The following CABIN1 variants were observed in gnomAD, a reference collection of about 807,000 sequenced individuals.
The protein encoded by CABIN1 is calcineurin binding protein 1, also known as calcineurin-binding protein cabin-1.
A neutral mutation model predicts 227.7 loss-of-function variants in CABIN1; 133 were observed. The ratio of observed to expected loss-of-function variants is 0.58; its 90% CI spans 0.51 to 0.67. The LOEUF is 0.67. Among genes scored for constraint, CABIN1 ranks in the 30% least tolerant of loss-of-function variants. The pLI is 0.00. For synonymous variants in CABIN1, 1,086 were observed against 1,155.1 expected, an observed-to-expected ratio of 0.94 and a Z score of 1.21; for missense variants, 2,408 against 2,852.5, an observed-to-expected ratio of 0.84 and a Z score of 3.55.
chr22:24,116,787 G>T (rs1414504858), intron 27 of CABIN1, among the ~76,000 whole-genome samples: 1 of 152,192 alleles, frequency 6.6e-6, no homozygotes, highest in Non-Finnish European at 1.5e-5. Context: ...TCAGCTGGGG[G>T]CATGTCTGTG....
chr22:24,118,191 GA>G (rs1024211173), intron 27 of CABIN1, among the ~76,000 whole-genome samples: 1 of 152,188 alleles, frequency 6.6e-6, no homozygotes, highest in African/African-American at 2.4e-5. Context: ...GGCTCCAGGA[GA>G]AGGAGTGATG....
At chr22:24,110,713 A>T (rs936682091) in intron 26 of CABIN1, among the ~76,000 whole-genome samples, 3 of 152,028 alleles carry the variant, frequency 2.0e-5, no homozygotes, top group Non-Finnish European at 4.4e-5. Context: ...TTCTTTCAGC[A>T]CTTTAAAGAT....
At chr22:24,124,864 G>T (rs1404289372) in intron 28 of CABIN1, among the ~76,000 whole-genome samples, 1 of 152,138 alleles carries the variant, frequency 6.6e-6, no homozygotes, top group Non-Finnish European at 1.5e-5. Flanking sequence ...AGGCAGAGGG[G>T]GTTGGTTATA....
intron 1 of CABIN1, among the ~76,000 whole-genome samples, chr22:24,014,022 G>A (rs937898141): frequency 2.6e-5 from 4 of 152,090 alleles, no homozygotes; most frequent in African/African-American, 9.7e-5. Context: ...GGTTTACTTG[G>A]TGTCTACCAG....
rs782713456 is a variant in CABIN1 at position 24,110,869 on chromosome 22, A to ATT, written c.4118-2686_4118-2685dup. On this transcript the variant is annotated intron_variant, in intron 26 of 36. Transcript: ENST00000263119. The stretch of plus-strand genomic sequence containing the variant: ...TTTCAAAATGGCCCACCTAGGTGTG[A>ATT]TTTTTTTTTTTTAAATGTGTGTGGA... Among the ~76,000 whole-genome samples the ATT allele has an allele frequency of 3.4e-3, 513 of 148,696 alleles. 1 individual carries two copies. Among genetic ancestry groups the ATT allele is most frequent in the Non-Finnish European group, 3.7e-3 (246 of 67,162 alleles).
chr22:24,158,647 G>C (rs554017078), intron 29 of CABIN1, among the ~76,000 whole-genome samples: 17 of 152,094 alleles, frequency 1.1e-4, no homozygotes, highest in Admixed American at 5.9e-4. Context: ...TCATCTGCTT[G>C]GCCGACGCTT....
In CABIN1 at chr22:24,072,513, G is replaced by T. The variant is rs1359579292; in HGVS notation, c.2632+3G>T. 6.2e-7 allele frequency: 1 copy of T among 1,614,016 alleles called. No individual in the cohort carries two copies. Among genetic ancestry groups the T allele is most frequent in the African/African-American group, 1.3e-5 (1 of 74,940 alleles). On this transcript the variant is annotated splice_donor_region_variant and intron_variant, in intron 18 of 36. Coordinates refer to ENST00000263119, the MANE Select transcript of CABIN1 (RefSeq NM_012295.4). ...GCTCCAAAACCCAGCGGAGGAAGGTGCACAGGCAGTGGGTGCAGTGGGGAT... is the reference window on the plus strand; with the variant it reads ...GCTCCAAAACCCAGCGGAGGAAGGTTCACAGGCAGTGGGTGCAGTGGGGAT...
chr22:24,116,047 G>A (rs1051023616), intron 27 of CABIN1, among the ~76,000 whole-genome samples: 1 of 152,274 alleles, frequency 6.6e-6, no homozygotes, highest in South Asian at 2.1e-4. Context: ...CACACTGCCC[G>A]AGGACCAGCC....
At chr22:24,083,731 G>T (rs755414952) in intron 20 of CABIN1, among the ~76,000 whole-genome samples, 4 of 152,132 alleles carry the variant, frequency 2.6e-5, no homozygotes, top group Non-Finnish European at 5.9e-5. Flanking sequence ...TCTGTGAATA[G>T]CCCTGGGTGG....
chr22:24,175,928 T>TG (rs1182651383), intron 34 of CABIN1, 183 bp from the exon 35 acceptor site: 2 of 711,554 alleles, frequency 2.8e-6, no homozygotes, highest in African/African-American at 3.5e-5. Context: ...AGTGTCCTCT[T>TG]GGGTGGTGAG....
At chr22:24,124,704 C>A (rs747665930) in intron 28 of CABIN1, among the ~76,000 whole-genome samples, 4 of 152,190 alleles carry the variant, frequency 2.6e-5, no homozygotes, top group Admixed American at 6.5e-5. Context: ...GCATCAGACA[C>A]CTCTTGTCAT....
At chr22:24,077,103 G>T (rs2040495955) in intron 19 of CABIN1, among the ~76,000 whole-genome samples, 1 of 152,098 alleles carries the variant, frequency 6.6e-6, no homozygotes, top group Non-Finnish European at 1.5e-5. Context: ...TTAAGAAAAC[G>T]TTTGCCATCA....
At position 24,049,203 on chromosome 22, in the gene CABIN1, C is replaced by T; in HGVS notation, c.639C>T (p.Leu213=). ...EEQPCLRKDS[L]RMFLKCDMSI... is the part of the protein sequence containing the mutation. ...AGCCTTGTCTCCGGAAGGACTCTCT[C>T]AGAATGTTCCTCAAATGGTAAGTCC... Residue 213 remains leucine (L), a synonymous_variant, in exon 7 of 37, where the codon CTC becomes CTT. Coordinates refer to ENST00000263119, the MANE Select transcript of CABIN1 (RefSeq NM_012295.4). 2 of 1,613,884 alleles carry T rather than the reference C, an allele frequency of 1.2e-6. No individual in the cohort carries two copies. The highest frequency in any genetic ancestry group is 1.7e-4 in the Middle Eastern group (1 of 6,046).
At position 24,102,574 on chromosome 22, in the gene CABIN1, C is replaced by T. The variant is rs149671754; in HGVS notation, c.4117+4382C>T. Among the ~76,000 whole-genome samples the T allele has an allele frequency of 1.3e-4, 20 of 152,250 alleles. No individual in the cohort carries two copies. In the East Asian group the frequency reaches 3.9e-3, roughly 29 times the overall value. On this transcript the variant is annotated intron_variant, in intron 26 of 36. Transcript: ENST00000263119. ...GCTGAGGGTTGGGGGTCAACTGATG[C>T]CAGCACCAGAGAGGTGGGGTTTGTT... is the stretch of plus-strand genomic sequence containing the variant.
At chr22:24,081,387 T>C (rs2040797564) in intron 19 of CABIN1, among the ~76,000 whole-genome samples, 1 of 152,228 alleles carries the variant, frequency 6.6e-6, no homozygotes. Context: ...ATTATATTGT[T>C]TTAACAGTTT....
chr22:24,080,326 C>CA (rs2040724636), intron 19 of CABIN1, among the ~76,000 whole-genome samples: 1 of 152,176 alleles, frequency 6.6e-6, no homozygotes, highest in Non-Finnish European at 1.5e-5. Flanking sequence ...TTAACCTACT[C>CA]ACGTACCTCT....
At chr22:24,028,181 A>G (rs935542854) in intron 1 of CABIN1, among the ~76,000 whole-genome samples, 1 of 152,242 alleles carries the variant, frequency 6.6e-6, no homozygotes, top group Non-Finnish European at 1.5e-5. Context: ...AAAAATGCTG[A>G]CACAGAAACC....
chr22:24,167,671 C>G (rs964380017), intron 32 of CABIN1, among the ~76,000 whole-genome samples: 1 of 152,194 alleles, frequency 6.6e-6, no homozygotes, highest in Non-Finnish European at 1.5e-5. Flanking sequence ...ATTTTGCCTT[C>G]TTTTTTTAAA....
At position 24,055,164 on chromosome 22, in the gene CABIN1, GC is replaced by G; in HGVS notation, c.1093+6del. ...TGGAGACAGGCGCTCCTGTGGGTAA[GC>G]AGGCCCCCTGAATTTGGCTTCCGGG... On this transcript the variant is annotated splice_donor_region_variant and intron_variant, in intron 9 of 36. Coordinates refer to ENST00000263119, the MANE Select transcript of CABIN1 (RefSeq NM_012295.4). 1 of 1,609,216 alleles carries G rather than the reference GC, an allele frequency of 6.2e-7. No individual in the cohort carries two copies. Among genetic ancestry groups the G allele is most frequent in the South Asian group, 1.1e-5 (1 of 91,082 alleles).
Sources: allele counts gnomAD v4.1 joint callset (sites outside exome capture counted in the v4.1 genomes callset), GRCh38; gene constraint gnomAD v4.1.1; transcripts MANE v1.5; gene names NCBI Gene and HGNC (gene_info 2026-07-23, HGNC 2026-07-21).